The following HS2ST1 variants were observed in gnomAD, a reference collection of about 807,000 sequenced individuals.
HS2ST1 encodes heparan sulfate 2-O-sulfotransferase 1, also known as 2-O-sulfotransferase.
HS2ST1 carries 18 observed loss-of-function variants against 42.9 expected under a neutral mutation model. The observed-to-expected ratio is 0.42, with a 90% CI of 0.29 to 0.62. The LOEUF is 0.62. Ranked by LOEUF, HS2ST1 falls within the 20% of genes least tolerant of loss-of-function variation. HS2ST1 has a pLI of 0.21. For missense variants in HS2ST1, 334 were observed against 433.8 expected (o/e 0.77, Z 2.04); for synonymous variants, 146 against 152.9 (o/e 0.95, Z 0.33).
chr1:87,083,391 A>G lies in HS2ST1; in HGVS notation c.364-803A>G, dbSNP rs936065057. Among the ~76,000 whole-genome samples the G allele has an allele frequency of 2.0e-5, 3 of 152,310 alleles. No individual in the cohort carries two copies. The East Asian group carries it at 5.8e-4, about 29-fold the overall frequency. On this transcript the variant is annotated intron_variant, in intron 2 of 6. Transcript: ENST00000370550. Reference sequence around the variant, plus strand: ...ACTTTCTGCACTCTATCTAGGTTCTAAAAGAGATTCTTAACCACTTGCTAT... The same window carrying G: ...ACTTTCTGCACTCTATCTAGGTTCTGAAAGAGATTCTTAACCACTTGCTAT...
At chr1:87,033,539 T>G (rs990835952) in intron 1 of HS2ST1, among the ~76,000 whole-genome samples, 3 of 151,796 alleles carry the variant, frequency 2.0e-5, no homozygotes, top group East Asian at 3.9e-4. Flanking sequence ...TTTTTTGTTT[T>G]TTTGTTTGTT....
At position 87,105,689 on chromosome 1, in the gene HS2ST1, G is replaced by T. The variant is rs1227101601; in HGVS notation, c.*993G>T. 2.0e-5 allele frequency: 3 copies of T among 152,484 alleles called. No individual in the cohort carries two copies. Among genetic ancestry groups the T allele is most frequent in the Admixed American group, 6.6e-5 (1 of 15,262 alleles). 9.4% of individuals were successfully genotyped at this position (152,484 alleles called of 1,614,324 possible). On this transcript the variant is annotated 3_prime_UTR_variant, in exon 7 of 7. Transcript: ENST00000370550. ...ATATTTTATGTATTTGGACCAAAAG[G>T]TTACAAGTAATTAGACAAAAGTGGT... is the stretch of plus-strand genomic sequence containing the variant.
Position 87,108,207 on chromosome 1 carries a change from A to AT in HS2ST1, c.*3514dup, listed in dbSNP as rs759546854. The AT allele has an allele frequency of 3.9e-5, 6 of 152,216 alleles. No individual in the cohort carries two copies. The highest frequency in any genetic ancestry group is 8.8e-5 in the Non-Finnish European group (6 of 67,958). The allele number at this position is 152,216 out of a possible 1,614,324, so 9.4% of individuals were successfully genotyped here. A position where few individuals can be genotyped will look rare whatever the true frequency, so the allele number is the denominator to read the frequency against. Reference sequence around the variant, plus strand: ...CAAATAATTCTAAAAGTGCTAGAGAATTTAACTAAAAGCTGGTTCCCAAAT... The same window carrying AT: ...CAAATAATTCTAAAAGTGCTAGAGAATTTTAACTAAAAGCTGGTTCCCAAAT... On this transcript the variant is annotated 3_prime_UTR_variant, in exon 7 of 7. Coordinates refer to ENST00000370550, the MANE Select transcript of HS2ST1 (RefSeq NM_012262.4).
chr1:87,030,462 C>A (rs1042670526), intron 1 of HS2ST1, among the ~76,000 whole-genome samples: 6 of 152,194 alleles, frequency 3.9e-5, no homozygotes, highest in East Asian at 1.9e-4. Context: ...CATGCCTCTG[C>A]ACTCCAACCT....
chr1:87,092,777 G>T (rs998042193), intron 4 of HS2ST1, 108 bp downstream of exon 4: 1 of 690,438 alleles, frequency 1.4e-6, no homozygotes, highest in African/African-American at 1.9e-5. Context: ...CTTGCTTATT[G>T]TGGAAATTTT....
intron 1 of HS2ST1, among the ~76,000 whole-genome samples, chr1:86,931,984 A>G (rs1457123478): frequency 2.0e-5 from 3 of 152,002 alleles, no homozygotes; most frequent in East Asian, 3.9e-4. Flanking sequence ...TTCTTGCCTA[A>G]GCTGGTCTTG....
At chr1:87,060,660 C>A (rs565161490) in intron 1 of HS2ST1, among the ~76,000 whole-genome samples, 22 of 152,212 alleles carry the variant, frequency 1.4e-4, no homozygotes, top group African/African-American at 4.8e-4. Context: ...ATTACCAATA[C>A]TATTTTTTCA....
At position 86,921,049 on chromosome 1, in the gene HS2ST1, ATGT is replaced by A. The variant is rs576080475; in HGVS notation, c.124+5893_124+5895del. The stretch of plus-strand genomic sequence containing the variant: ...CCATGATATATACATGTTTTAAAAC[ATGT>A]TGTACATGATAAATATATACAGTTT... On this transcript the variant is annotated intron_variant, in intron 1 of 6. Coordinates refer to ENST00000370550, the MANE Select transcript of HS2ST1 (RefSeq NM_012262.4). Among the ~76,000 whole-genome samples the A allele has an allele frequency of 7.9e-5, 12 of 152,296 alleles. No homozygotes were observed. In the South Asian group the frequency reaches 8.3e-4, roughly 11 times the overall value.
At chr1:87,036,217 G>A (rs1650371807) in intron 1 of HS2ST1, among the ~76,000 whole-genome samples, 1 of 152,136 alleles carries the variant, frequency 6.6e-6, no homozygotes, top group Non-Finnish European at 1.5e-5. Context: ...GGGCATTTGG[G>A]TTGGTTCCAA....
rs183650867 is a variant in HS2ST1, at chr1:87,101,849, T to C, written c.687-1583T>C. On this transcript the variant is annotated intron_variant, in intron 5 of 6. Coordinates refer to ENST00000370550, the MANE Select transcript of HS2ST1 (RefSeq NM_012262.4). ...CCATTCTTACATTACTGTGAAGGAA[T>C]ACCTGAGATGGTAATTTATAATGAA... is the stretch of plus-strand genomic sequence containing the variant. 6.6e-5 allele frequency among the ~76,000 whole-genome samples: 10 copies of C among 152,328 alleles called. No individual in the cohort carries two copies. In the East Asian group the frequency reaches 1.9e-3, roughly 29 times the overall value.
intron 1 of HS2ST1, among the ~76,000 whole-genome samples, chr1:87,063,882 T>C (rs1651180310): frequency 6.6e-6 from 1 of 152,222 alleles, no homozygotes; most frequent in Non-Finnish European, 1.5e-5. Context: ...TATAGAAACC[T>C]GAGCATTTTT....
chr1:87,103,599 G>A lies in HS2ST1; in HGVS notation c.844+10G>A. The A allele has an allele frequency of 6.5e-7, 1 of 1,536,842 alleles. No homozygotes were observed. Among genetic ancestry groups the A allele is most frequent in the Non-Finnish European group, 8.7e-7 (1 of 1,147,384 alleles). On this transcript the variant is annotated intron_variant, in intron 6 of 6. Coordinates refer to ENST00000370550, the MANE Select transcript of HS2ST1 (RefSeq NM_012262.4). The stretch of plus-strand genomic sequence containing the variant: ...GAACTCTATCGCACAGGTATATAAA[G>A]GAAGGGTTTCTTTTTAAAGCTTTCT...
At chr1:87,056,201 G>A (rs1336654709) in intron 1 of HS2ST1, among the ~76,000 whole-genome samples, 2 of 152,154 alleles carry the variant, frequency 1.3e-5, no homozygotes, top group African/African-American at 2.4e-5. Context: ...ATGAGATCAG[G>A]TTGTTATGAA....
chr1:86,921,416 G>A (rs1038845393), intron 1 of HS2ST1, among the ~76,000 whole-genome samples: 2 of 151,908 alleles, frequency 1.3e-5, no homozygotes, highest in Non-Finnish European at 2.9e-5. Context: ...TTTATCCTTG[G>A]TAATATTCTT....
At chr1:87,061,919 CTT>C (rs535755288) in intron 1 of HS2ST1, among the ~76,000 whole-genome samples, 2 of 141,830 alleles carry the variant, frequency 1.4e-5, no homozygotes, top group African/African-American at 2.6e-5. Flanking sequence ...ATTCTTTTCT[CTT>C]TTTTTTTTTT....
Position 86,914,924 on chromosome 1 carries a change from G to C in HS2ST1, c.-113G>C. 1.3e-5 allele frequency: 18 copies of C among 1,341,462 alleles called. 1 individual carries two copies. The highest frequency in any genetic ancestry group is 2.5e-5 in the South Asian group (2 of 81,240). 83.1% of individuals were successfully genotyped at this position (1,341,462 alleles called of 1,614,324 possible). On this transcript the variant is annotated 5_prime_UTR_variant, in exon 1 of 7. Coordinates refer to ENST00000370550, the MANE Select transcript of HS2ST1 (RefSeq NM_012262.4). Reference sequence around the variant, plus strand: ...TCGCTGCGGTGGTTCTCTCGCTGTCGCTCTCTCTTTGCCTCGCTCCCGGCT... The same window carrying C: ...TCGCTGCGGTGGTTCTCTCGCTGTCCCTCTCTCTTTGCCTCGCTCCCGGCT...
intron 1 of HS2ST1, among the ~76,000 whole-genome samples, chr1:86,967,160 G>A (rs1648072504): frequency 6.6e-6 from 1 of 152,136 alleles, no homozygotes; most frequent in Non-Finnish European, 1.5e-5. Flanking sequence ...CAAAGTGCTG[G>A]GATTACAGGT....
intron 1 of HS2ST1, among the ~76,000 whole-genome samples, chr1:86,960,575 C>T: frequency 6.6e-6 from 1 of 152,046 alleles, no homozygotes; most frequent in East Asian, 1.9e-4. Context: ...TTCAGAGAAC[C>T]CTTATAACTC....
intron 1 of HS2ST1, among the ~76,000 whole-genome samples, chr1:86,989,805 G>C (rs1259183542): frequency 1.3e-5 from 2 of 152,120 alleles, no homozygotes; most frequent in African/African-American, 4.8e-5. Context: ...CCACCTATGA[G>C]TGAGAACATG....
Sources: allele counts gnomAD v4.1 joint callset (sites outside exome capture counted in the v4.1 genomes callset), GRCh38; gene constraint gnomAD v4.1.1; transcripts MANE v1.5; gene names NCBI Gene and HGNC (gene_info 2026-07-23, HGNC 2026-07-21).